Variants in ZNF665 observed in about 807,000 individuals in gnomAD.
ZNF665 encodes the protein zinc finger protein 665.
Under a neutral mutation model 7.9 loss-of-function variants are expected in ZNF665, and 6 were observed. The observed-to-expected ratio is 0.76, with a 90% CI of 0.42 to 1.50. The LOEUF is 1.50. Ranked by LOEUF, ZNF665 falls within the 40% of genes most tolerant of loss-of-function variation. The pLI, the probability that ZNF665 is intolerant of heterozygous loss-of-function variation, is 0.01. For missense variants in ZNF665, 819 were observed against 806.7 expected (o/e 1.02, Z -0.18); for synonymous variants, 242 against 274.5 (o/e 0.88, Z 1.17).
chr19:53,165,103 A>G lies in ZNF665; in HGVS notation c.1387T>C (p.Cys463Arg), dbSNP rs373809352. Reference sequence around the variant, plus strand: ...GAATTTTGTGTGAAGACCTTACCGCAGTCATTACATTTGTAAGGCTTTTCT... The same window carrying G: ...GAATTTTGTGTGAAGACCTTACCGCGGTCATTACATTTGTAAGGCTTTTCT... ...TGEKPYKCND[C>R]GKVFTQNSHL... Residue 463 changes from cysteine to arginine, a missense_variant, in exon 4 of 4, where the codon TGC (cysteine) becomes CGC (arginine). Coordinates refer to ENST00000396424, the MANE Select transcript of ZNF665 (RefSeq NM_024733.5). The G allele has an allele frequency of 1.4e-5, 22 of 1,613,940 alleles. No individual in the cohort carries two copies. The highest frequency in any genetic ancestry group is 1.6e-4 in the Middle Eastern group (1 of 6,084).
chr19:53,172,411 C>T (rs1397025676), intron 3 of ZNF665, among the ~76,000 whole-genome samples: 2 of 152,146 alleles, frequency 1.3e-5, no homozygotes, highest in Non-Finnish European at 2.9e-5. Flanking sequence ...CCCCAGTCTC[C>T]ATATCTTTGC....
chr19:53,183,098 AC>A, intron 1 of ZNF665, 155 bp from the exon 2 acceptor site: 1 of 820,994 alleles, frequency 1.2e-6, no homozygotes. Flanking sequence ...TGCCCACTGC[AC>A]CAGAAAAGAT....
Position 53,175,434 on chromosome 19 carries a change from G to A in ZNF665, c.142+11C>T, listed in dbSNP as rs1403273992. The A allele has an allele frequency of 1.2e-6, 2 of 1,602,490 alleles. No homozygotes were observed. Among genetic ancestry groups the A allele is most frequent in the Non-Finnish European group, 1.7e-6 (2 of 1,176,526 alleles). On this transcript the variant is annotated intron_variant, in intron 3 of 3. Transcript: ENST00000396424. Reference sequence around the variant, plus strand: ...AACAGACCCTGACTTCTAAAAGAAAGTCATCCTCACCCAGGGAGACCAGGT... The same window carrying A: ...AACAGACCCTGACTTCTAAAAGAAAATCATCCTCACCCAGGGAGACCAGGT...
rs1406460180 is a variant in ZNF665 at position 53,163,498 on chromosome 19, C to T, written c.*955G>A. The stretch of plus-strand genomic sequence containing the variant: ...TTTAAAAGGCAGAGTCTTTTTTCTT[C>T]AGGAGCTTGGAGAGAAATAATCCTC... On this transcript the variant is annotated 3_prime_UTR_variant, in exon 4 of 4. Coordinates refer to ENST00000396424, the MANE Select transcript of ZNF665 (RefSeq NM_024733.5). 2 of 152,164 alleles carry T rather than the reference C, an allele frequency of 1.3e-5. No homozygotes were observed. The highest frequency in any genetic ancestry group is 4.8e-5 in the African/African-American group (2 of 41,444). 9.4% of individuals were successfully genotyped at this position (152,164 alleles called of 1,614,324 possible).
chr19:53,189,540 C>T (rs10416538), intron 1 of ZNF665, among the ~76,000 whole-genome samples: 34,641 of 144,926 alleles, frequency 0.24, 4,326 homozygotes, highest in South Asian at 0.34. Flanking sequence ...AGACAGCTTA[C>T]GCCATTATTT....
intron 3 of ZNF665, among the ~76,000 whole-genome samples, chr19:53,174,545 C>T (rs2090681931): frequency 6.6e-6 from 1 of 152,180 alleles, no homozygotes; most frequent in African/African-American, 2.4e-5. Context: ...CTGATCCACT[C>T]CCAGTTTCTA....
intron 1 of ZNF665, among the ~76,000 whole-genome samples, chr19:53,191,114 C>T (rs1441941416): frequency 6.6e-6 from 1 of 151,916 alleles, no homozygotes; most frequent in East Asian, 1.9e-4. Flanking sequence ...GAAGAGGGAA[C>T]CCTCAACTAG....
At chr19:53,167,519 T>C (rs1210748945) in intron 3 of ZNF665, among the ~76,000 whole-genome samples, 3 of 150,364 alleles carry the variant, frequency 2.0e-5, no homozygotes, top group Admixed American at 2.0e-4. Flanking sequence ...CGATCTCGGC[T>C]CACTGCAAGC....
rs141992770 is a variant in ZNF665, at chr19:53,174,353, G to A, written c.142+1092C>T. Among the ~76,000 whole-genome samples, 35 of 152,262 alleles carry A rather than the reference G, an allele frequency of 2.3e-4. 1 individual carries two copies. The East Asian group carries it at 5.0e-3, about 22-fold the overall frequency. Reference sequence around the variant, plus strand: ...TAGCGCCACTGCAGGTTGGAAGGATGAAGTTTTACACATCTAAAGAACAGG... The same window carrying A: ...TAGCGCCACTGCAGGTTGGAAGGATAAAGTTTTACACATCTAAAGAACAGG... On this transcript the variant is annotated intron_variant, in intron 3 of 3. Coordinates refer to ENST00000396424, the MANE Select transcript of ZNF665 (RefSeq NM_024733.5).
chr19:53,176,248 G>C (rs1026226468), intron 2 of ZNF665, among the ~76,000 whole-genome samples: 4 of 152,242 alleles, frequency 2.6e-5, no homozygotes, highest in Non-Finnish European at 5.9e-5. Context: ...AAGGGAAGAA[G>C]GGCTGAAGGT....
intron 3 of ZNF665, among the ~76,000 whole-genome samples, chr19:53,166,932 C>T (rs1599871144): frequency 6.6e-6 from 1 of 152,158 alleles, no homozygotes; most frequent in African/African-American, 2.4e-5. Context: ...CTACATACCC[C>T]TATATACCCA....
At chr19:53,167,698 A>G (rs138126300) in intron 3 of ZNF665, among the ~76,000 whole-genome samples, 74,306 of 148,260 alleles carry the variant, frequency 0.5, 22,069 homozygotes, top group South Asian at 0.72. Flanking sequence ...CACCCACCTC[A>G]GCCTCCTAAA....
chr19:53,172,390 T>A (rs989126877), intron 3 of ZNF665, among the ~76,000 whole-genome samples: 1 of 152,170 alleles, frequency 6.6e-6, no homozygotes, highest in Non-Finnish European at 1.5e-5. Context: ...CAACCAATAG[T>A]GTATGAGAAC....
At chr19:53,174,552 T>C (rs1467912124) in intron 3 of ZNF665, among the ~76,000 whole-genome samples, 2 of 152,188 alleles carry the variant, frequency 1.3e-5, no homozygotes, top group Non-Finnish European at 2.9e-5. Context: ...ACTCCCAGTT[T>C]CTATTGTCTC....
chr19:53,173,932 C>A (rs549469992), intron 3 of ZNF665, among the ~76,000 whole-genome samples: 1 of 152,254 alleles, frequency 6.6e-6, no homozygotes, highest in African/African-American at 2.4e-5. Context: ...AGATCCAACC[C>A]ACTCCCCTTG....
intron 3 of ZNF665, among the ~76,000 whole-genome samples, chr19:53,170,000 G>A: frequency 6.9e-6 from 1 of 145,844 alleles, no homozygotes; most frequent in Admixed American, 7.1e-5. Flanking sequence ...ACATACGTGT[G>A]CGTGTGTCTT....
chr19:53,177,295 T>C (rs561650622), intron 2 of ZNF665, among the ~76,000 whole-genome samples: 31 of 151,504 alleles, frequency 2.0e-4, no homozygotes, highest in Admixed American at 1.7e-3. Context: ...GGACAATAAA[T>C]AAATATACAG....
chr19:53,183,728 G>A (rs1014123602), intron 1 of ZNF665, among the ~76,000 whole-genome samples: 1 of 152,182 alleles, frequency 6.6e-6, no homozygotes. Context: ...CCTGGGTTAG[G>A]AAGGGTGTTT....
At chr19:53,192,968 C>A (rs2146901535) in intron 1 of ZNF665, among the ~76,000 whole-genome samples, 1 of 152,234 alleles carries the variant, frequency 6.6e-6, no homozygotes, top group South Asian at 2.1e-4. Context: ...CGCTAACGCT[C>A]CAGTAGCTGA....
Sources: allele counts gnomAD v4.1 joint callset (sites outside exome capture counted in the v4.1 genomes callset), GRCh38; gene constraint gnomAD v4.1.1; transcripts MANE v1.5; gene names NCBI Gene and HGNC (gene_info 2026-07-23, HGNC 2026-07-21).